AGBL1: variants seen among roughly 807,000 people sequenced by gnomAD.
AGBL1 encodes the protein AGBL carboxypeptidase 1.
A neutral mutation model predicts 118.9 loss-of-function variants in AGBL1; 130 were observed. The observed-to-expected ratio is 1.09, with a 90% CI of 0.95 to 1.26. The LOEUF (loss-of-function observed/expected upper bound fraction) is 1.26, where lower values mean the gene tolerates loss of function less well. Ranked by LOEUF, AGBL1 falls within the 50% of genes most tolerant of loss-of-function variation. AGBL1 has a pLI of 0.00. For missense variants in AGBL1, 1,584 were observed against 1,298.1 expected (o/e 1.22, Z -3.38); for synonymous variants, 555 against 478.9 (o/e 1.16, Z -2.08).
intron 21 of AGBL1, among the ~76,000 whole-genome samples, chr15:86,609,018 CA>C (rs1340111485): frequency 1.3e-5 from 2 of 152,116 alleles, no homozygotes; most frequent in Non-Finnish European, 2.9e-5. Context: ...GCACACTTTG[CA>C]TAATTTTAAA....
intron 22 of AGBL1, among the ~76,000 whole-genome samples, chr15:86,899,785 G>A (rs1490246686): frequency 6.6e-6 from 1 of 152,122 alleles, no homozygotes; most frequent in Non-Finnish European, 1.5e-5. Flanking sequence ...GATGCATATT[G>A]TGATGCATAT....
At chr15:86,780,657 C>CTTT (rs71144066) in intron 22 of AGBL1, among the ~76,000 whole-genome samples, 7,804 of 142,876 alleles carry the variant, frequency 0.055, 340 homozygotes, top group Non-Finnish European at 0.088. Flanking sequence ...TCTTTAACTT[C>CTTT]TTTTTTTTTT....
At chr15:86,240,932 A>C (rs866086964) in intron 6 of AGBL1, among the ~76,000 whole-genome samples, 11 of 152,328 alleles carry the variant, frequency 7.2e-5, no homozygotes, top group Middle Eastern at 3.4e-3. Context: ...GCTATCAGTC[A>C]CATGGATCTT....
intron 18 of AGBL1, among the ~76,000 whole-genome samples, chr15:86,475,102 G>A (rs1265842621): frequency 6.6e-6 from 1 of 152,154 alleles, no homozygotes; most frequent in African/African-American, 2.4e-5. Flanking sequence ...ACCAAAGGCA[G>A]ATAAAACCAC....
At chr15:86,474,949 A>G (rs2082535630) in intron 18 of AGBL1, among the ~76,000 whole-genome samples, 1 of 152,240 alleles carries the variant, frequency 6.6e-6, no homozygotes, top group South Asian at 2.1e-4. Flanking sequence ...TCTGCTGCTA[A>G]TACCCAGGCA....
intron 2 of AGBL1, among the ~76,000 whole-genome samples, 154 bp from the exon 3 acceptor site, chr15:86,143,545 C>G (rs2076992442): frequency 6.6e-6 from 1 of 152,206 alleles, no homozygotes; most frequent in Non-Finnish European, 1.5e-5. Flanking sequence ...ACTGATAGTA[C>G]AACTTTAACA....
intron 6 of AGBL1, among the ~76,000 whole-genome samples, chr15:86,233,978 TTTC>T (rs754926992): frequency 1.3e-3 from 196 of 152,158 alleles, no homozygotes; most frequent in Non-Finnish European, 2.4e-3. Context: ...GTGTTGAGTT[TTTC>T]TTGTTTGAGA....
chr15:86,223,482 A>G (rs1196891480), intron 5 of AGBL1, among the ~76,000 whole-genome samples: 1 of 152,154 alleles, frequency 6.6e-6, no homozygotes, highest in East Asian at 1.9e-4. Flanking sequence ...CACAACTTGA[A>G]TTTTCAGAAA....
chr15:86,088,770 A>C (rs1459365502), intron 1 of AGBL1, among the ~76,000 whole-genome samples: 2 of 152,180 alleles, frequency 1.3e-5, no homozygotes, highest in African/African-American at 2.4e-5. Context: ...ATGGTTTTCA[A>C]TTCTCAGTTT....
intron 24 of AGBL1, among the ~76,000 whole-genome samples, chr15:87,017,330 G>A (rs531643798): frequency 6.6e-6 from 1 of 152,222 alleles, no homozygotes; most frequent in East Asian, 1.9e-4. Context: ...TTCCAGATTG[G>A]ATGAGACTTC....
chr15:86,795,865 C>T (rs371288718), intron 22 of AGBL1, among the ~76,000 whole-genome samples: 3 of 151,486 alleles, frequency 2.0e-5, no homozygotes, highest in Non-Finnish European at 4.4e-5. Flanking sequence ...GGATTACAGG[C>T]GTGAGCCATC....
chr15:86,625,374 TTTTTGTTTTTG>T (rs1337336270), intron 21 of AGBL1, among the ~76,000 whole-genome samples: 2,921 of 47,142 alleles, frequency 0.062, 353 homozygotes, highest in African/African-American at 0.17. Context: ...CGTTTTTTTT[TTTTTGTTTTTG>T]TTTTTTTTTT....
intron 1 of AGBL1, among the ~76,000 whole-genome samples, chr15:86,114,601 G>A (rs1897640330): frequency 6.6e-6 from 1 of 152,168 alleles, no homozygotes; most frequent in Non-Finnish European, 1.5e-5. Flanking sequence ...AAAGAAGTTT[G>A]GGAGATTCCA....
intron 23 of AGBL1, among the ~76,000 whole-genome samples, chr15:86,984,239 A>C (rs2081258065): frequency 6.6e-6 from 1 of 152,160 alleles, no homozygotes; most frequent in African/African-American, 2.4e-5. Context: ...ACATTTCTTG[A>C]GGACTAATGA....
chr15:86,789,389 C>T (rs1054650488), intron 22 of AGBL1, among the ~76,000 whole-genome samples: 24 of 152,136 alleles, frequency 1.6e-4, no homozygotes, highest in South Asian at 4.1e-4. Context: ...TTCCCATCAC[C>T]GCAGCTTGTA....
intron 7 of AGBL1, among the ~76,000 whole-genome samples, chr15:86,252,117 C>T (rs748672608): frequency 2.0e-5 from 3 of 152,200 alleles, no homozygotes; most frequent in Non-Finnish European, 2.9e-5. Context: ...GCATTTCTAA[C>T]GAGTTCTCAG....
chr15:86,247,628 G>T (rs1245294281), intron 6 of AGBL1, 43 bp from the exon 7 acceptor site: 5 of 1,531,470 alleles, frequency 3.3e-6, no homozygotes, highest in Non-Finnish European at 4.4e-6. Context: ...AGGTGTGGCT[G>T]TGGAGAGCCT....
intron 17 of AGBL1, among the ~76,000 whole-genome samples, chr15:86,346,976 A>G (rs1468328563): frequency 6.6e-6 from 1 of 152,202 alleles, no homozygotes; most frequent in Non-Finnish European, 1.5e-5. Context: ...CGTTTACACA[A>G]TATGGATCCT....
At chr15:86,348,159 G>C (rs1219731643) in intron 17 of AGBL1, among the ~76,000 whole-genome samples, 1 of 152,044 alleles carries the variant, frequency 6.6e-6, no homozygotes, top group Admixed American at 6.6e-5. Context: ...TTAAGGAAGG[G>C]GAAAGGAACT....
Sources: allele counts gnomAD v4.1 joint callset (sites outside exome capture counted in the v4.1 genomes callset), GRCh38; gene constraint gnomAD v4.1.1; transcripts MANE v1.5; gene names NCBI Gene and HGNC (gene_info 2026-07-23, HGNC 2026-07-21).